CIB4: variants seen among roughly 807,000 people sequenced by gnomAD.
CIB4 encodes calcium and integrin-binding family member 4.
A neutral mutation model predicts 25.8 loss-of-function variants in CIB4; 25 were observed. That is an observed-to-expected ratio of 0.97 (90% confidence interval 0.71 to 1.35). The LOEUF is 1.35. CIB4 is among the 40% of genes most tolerant of loss of function. CIB4 has a pLI of 0.00. For missense variants in CIB4, 235 were observed against 228.2 expected (o/e 1.03, Z -0.19); for synonymous variants, 75 against 81.4 (o/e 0.92, Z 0.42).
chr2:26,582,752 T>C, intron 6 of CIB4, 73 bp downstream of exon 6: 1 of 864,678 alleles, frequency 1.2e-6, no homozygotes, highest in Non-Finnish European at 1.9e-6. Flanking sequence ...TCCCATGGAG[T>C]GAGGAGAGAC....
chr2:26,628,738 T>G (rs1191663164), intron 3 of CIB4, among the ~76,000 whole-genome samples: 1 of 152,228 alleles, frequency 6.6e-6, no homozygotes, highest in Non-Finnish European at 1.5e-5. Flanking sequence ...CTGCTCCTCC[T>G]GTCTTCTCAG....
chr2:26,618,859 AT>A (rs1669146888), intron 3 of CIB4, among the ~76,000 whole-genome samples: 1 of 152,140 alleles, frequency 6.6e-6, no homozygotes, highest in Non-Finnish European at 1.5e-5. Flanking sequence ...GCTGACGGGC[AT>A]GACCAAGGCA....
At chr2:26,581,547 C>T (rs1188728107) in intron 6 of CIB4, among the ~76,000 whole-genome samples, 154 bp from the exon 7 acceptor site, 1 of 152,200 alleles carries the variant, frequency 6.6e-6, no homozygotes, top group East Asian at 1.9e-4. Context: ...CCCAAAGCAA[C>T]CCCAAACCTT....
At chr2:26,637,462 T>C (rs1460798735) in intron 2 of CIB4, among the ~76,000 whole-genome samples, 1 of 152,052 alleles carries the variant, frequency 6.6e-6, no homozygotes, top group African/African-American at 2.4e-5. Context: ...ATTCCTTTAC[T>C]CTCCTTTTAG....
At chr2:26,640,639 A>G in intron 1 of CIB4, 72 bp from the exon 2 acceptor site, 9 of 1,480,596 alleles carry the variant, frequency 6.1e-6, no homozygotes. Context: ...GAGTGGCGCA[A>G]TTCAGAGGCT....
At chr2:26,592,239 C>T (rs1462724654) in intron 4 of CIB4, among the ~76,000 whole-genome samples, 1 of 152,230 alleles carries the variant, frequency 6.6e-6, no homozygotes, top group Non-Finnish European at 1.5e-5. Flanking sequence ...AGGAGCGACC[C>T]CAGCCAGAGA....
chr2:26,622,057 T>A (rs2464091), intron 3 of CIB4, among the ~76,000 whole-genome samples: 67,972 of 152,032 alleles, frequency 0.45, 16,671 homozygotes, highest in Non-Finnish European at 0.55. Context: ...GTGTATGCAG[T>A]CATAATAATA....
chr2:26,605,339 GCAGT>G (rs2148205915), intron 3 of CIB4, among the ~76,000 whole-genome samples: 1 of 152,212 alleles, frequency 6.6e-6, no homozygotes, highest in Non-Finnish European at 1.5e-5. Context: ...CCCCTTGTTG[GCAGT>G]CAGTCACCGG....
At chr2:26,617,967 A>G (rs1008512984) in intron 3 of CIB4, among the ~76,000 whole-genome samples, 5 of 152,086 alleles carry the variant, frequency 3.3e-5, no homozygotes, top group African/African-American at 1.2e-4. Context: ...ACCTTGGCTC[A>G]CCCTCTGACT....
chr2:26,613,421 G>A (rs1669034017), intron 3 of CIB4, among the ~76,000 whole-genome samples: 1 of 152,162 alleles, frequency 6.6e-6, no homozygotes, highest in African/African-American at 2.4e-5. Context: ...CCTGGTGTGA[G>A]GCTGGAGCTT....
chr2:26,605,671 A>C (rs1193688289), intron 3 of CIB4: 1 of 391,682 alleles, frequency 2.6e-6, no homozygotes, highest in African/African-American at 2.1e-5. Flanking sequence ...CAGTTCACAG[A>C]CCCAACAAGT....
intron 2 of CIB4, among the ~76,000 whole-genome samples, chr2:26,636,542 C>T (rs1669535484): frequency 6.6e-6 from 1 of 152,164 alleles, no homozygotes; most frequent in South Asian, 2.1e-4. Context: ...CATCCTTCAG[C>T]TTCCCTTCAC....
chr2:26,600,776 T>C (rs1375445456), intron 3 of CIB4, among the ~76,000 whole-genome samples: 1 of 152,326 alleles, frequency 6.6e-6, no homozygotes, highest in East Asian at 1.9e-4. Context: ...TCTTTCCAAA[T>C]TGATCCATAA....
intron 2 of CIB4, among the ~76,000 whole-genome samples, chr2:26,638,028 G>A (rs1444525905): frequency 2.6e-5 from 4 of 152,132 alleles, no homozygotes; most frequent in South Asian, 4.2e-4. Flanking sequence ...GACGCACGCC[G>A]GCCTTTGAGA....
intron 3 of CIB4, among the ~76,000 whole-genome samples, chr2:26,629,040 T>C (rs1408548066): frequency 1.3e-5 from 2 of 152,054 alleles, no homozygotes; most frequent in African/African-American, 4.8e-5. Flanking sequence ...TAAAGACCCA[T>C]AGGCTGGCCT....
intron 4 of CIB4, among the ~76,000 whole-genome samples, chr2:26,589,063 T>C (rs1310451350): frequency 0.035 from 1,691 of 48,840 alleles, 147 homozygotes; most frequent in South Asian, 0.048. Flanking sequence ...CTTCTTCCTC[T>C]TCCTCTTCCT....
chr2:26,625,188 G>T (rs915690320), intron 3 of CIB4, among the ~76,000 whole-genome samples: 10 of 152,060 alleles, frequency 6.6e-5, no homozygotes, highest in Non-Finnish European at 1.3e-4. Flanking sequence ...TTTTGAGACC[G>T]AAGGATGCTA....
chr2:26,641,285 G>A lies in CIB4; in HGVS notation c.30C>T (p.His10=), dbSNP rs142383569. Residue 10 remains histidine, a synonymous_variant, in exon 1 of 7, where the codon CAC becomes CAT. Coordinates refer to ENST00000288861, the MANE Select transcript of CIB4 (RefSeq NM_001029881.3). The part of the protein sequence containing the change: MGQCLRYQM[H]WEDLEEYQAL... ...CCTGGTACTCTTCCAGGTCCTCCCAGTGCATCTGATACCTCAAGCATTGCC... is the reference window on the plus strand; with the variant it reads ...CCTGGTACTCTTCCAGGTCCTCCCAATGCATCTGATACCTCAAGCATTGCC... The A allele has an allele frequency of 9.4e-5, 151 of 1,613,630 alleles. 1 individual carries two copies. The African/African-American group carries it at 1.7e-3, about 18-fold the overall frequency.
At chr2:26,637,105 C>T (rs989782244) in intron 2 of CIB4, among the ~76,000 whole-genome samples, 4 of 152,158 alleles carry the variant, frequency 2.6e-5, no homozygotes, top group Non-Finnish European at 4.4e-5. Flanking sequence ...CCAGCTCTCC[C>T]CAGATGGTTA....
Sources: gnomAD v4.1 joint callset for allele counts (sites outside exome capture counted in the v4.1 genomes callset) on GRCh38, gnomAD v4.1.1 for gene constraint, MANE v1.5 for transcripts, NCBI Gene and HGNC (gene_info 2026-07-23, HGNC 2026-07-21) for gene names.